Variants in LINGO2 observed in about 807,000 individuals in gnomAD.
The protein encoded by LINGO2 is leucine rich repeat and Ig domain containing 2.
A neutral mutation model predicts 30.6 loss-of-function variants in LINGO2; 14 were observed. The ratio of observed to expected loss-of-function variants is 0.46; its 90% confidence interval spans 0.30 to 0.72. The LOEUF is 0.72. Ranked by LOEUF, LINGO2 falls within the 30% of genes least tolerant of loss-of-function variation. The pLI is 0.07. For missense variants in LINGO2, 729 were observed against 751.7 expected (o/e 0.97, Z 0.35); for synonymous variants, 317 against 288.5 (o/e 1.10, Z -1.00).
intron 1 of LINGO2, among the ~76,000 whole-genome samples, chr9:28,494,396 T>C (rs1819507273): frequency 6.6e-6 from 1 of 152,030 alleles, no homozygotes; most frequent in South Asian, 2.1e-4. Flanking sequence ...GGCCTCAGTA[T>C]GTGATGTTCC....
At chr9:28,185,375 T>A (rs1436056070) in intron 4 of LINGO2, among the ~76,000 whole-genome samples, 1 of 152,074 alleles carries the variant, frequency 6.6e-6, no homozygotes, top group Non-Finnish European at 1.5e-5. Flanking sequence ...TTAGTATTAA[T>A]CAAATATGTT....
chr9:28,442,635 G>C (rs767592415), intron 2 of LINGO2, among the ~76,000 whole-genome samples: 1 of 151,802 alleles, frequency 6.6e-6, no homozygotes, highest in Non-Finnish European at 1.5e-5. Flanking sequence ...TTATTTTCTT[G>C]TTTTTAAACA....
At position 28,185,426 on chromosome 9, in the gene LINGO2, A is replaced by G. The variant is rs144911615; in HGVS notation, c.-87+109782T>C. ...TCTGCATAATCATAACCCATGATTA[A>G]CAGGTAAATGGTAAAAAAAAAACTT... is the stretch of plus-strand genomic sequence containing the variant. On this transcript the variant is annotated intron_variant, in intron 4 of 5. Transcript: ENST00000379992. 9.0e-4 allele frequency among the ~76,000 whole-genome samples: 137 copies of G among 152,270 alleles called. 2 individuals are homozygous for G. The highest frequency in any genetic ancestry group is 3.4e-3 in the Middle Eastern group (1 of 294).
chr9:28,864,569 A>G, the LINGO2 span, among the ~76,000 whole-genome samples: 10 of 152,258 alleles, frequency 6.6e-5, no homozygotes, highest in African/African-American at 2.2e-4. Context: ...CAAGTAATTC[A>G]TGCTTTTGAA....
intron 1 of LINGO2, among the ~76,000 whole-genome samples, chr9:28,481,698 G>A (rs1438015135): frequency 1.3e-5 from 2 of 151,990 alleles, no homozygotes; most frequent in Non-Finnish European, 2.9e-5. Flanking sequence ...ATGTATACAT[G>A]TGCATTGCTG....
At chr9:28,072,889 G>C (rs190462866) in intron 4 of LINGO2, among the ~76,000 whole-genome samples, 1 of 151,974 alleles carries the variant, frequency 6.6e-6, no homozygotes, top group African/African-American at 2.4e-5. Context: ...CTGATAGCAC[G>C]ATATGCCATC....
intron 3 of LINGO2, among the ~76,000 whole-genome samples, chr9:28,322,952 T>C (rs1825101695): frequency 1.3e-5 from 2 of 152,188 alleles, no homozygotes; most frequent in Admixed American, 6.5e-5. Context: ...TTTTAAAAAC[T>C]GACCTCCTTG....
intron 4 of LINGO2, among the ~76,000 whole-genome samples, chr9:28,038,554 G>C (rs865973679): frequency 1.3e-5 from 2 of 152,060 alleles, no homozygotes; most frequent in Admixed American, 6.5e-5. Flanking sequence ...TTAGCCGGGC[G>C]TAGTGGTGGG....
intron 4 of LINGO2, among the ~76,000 whole-genome samples, chr9:28,048,247 C>T (rs577539760): frequency 6.6e-6 from 1 of 150,966 alleles, no homozygotes; most frequent in African/African-American, 2.4e-5. Context: ...AGAAGAAACT[C>T]GGGAAACACA....
chr9:28,042,775 CAT>C lies in LINGO2; in HGVS notation c.-86-30372_-86-30371del, dbSNP rs745510855. Among the ~76,000 whole-genome samples, 518 of 152,254 alleles carry C rather than the reference CAT, an allele frequency of 3.4e-3. 1 individual carries two copies. Among genetic ancestry groups the C allele is most frequent in the African/African-American group, 0.011 (460 of 41,548 alleles). On this transcript the variant is annotated intron_variant, in intron 4 of 5. Transcript: ENST00000379992. ...TATTCTTTATTCTTCCCCTCTCCCC[CAT>C]ATATGTTATCTTTGCCTATTTTCTT...
chr9:28,036,645 G>A (rs897902085), intron 4 of LINGO2, among the ~76,000 whole-genome samples: 1 of 152,194 alleles, frequency 6.6e-6, no homozygotes, highest in Non-Finnish European at 1.5e-5. Flanking sequence ...TTAGCCCAAA[G>A]ATTGGTGCAA....
chr9:28,771,502 T>TGA, the LINGO2 span, among the ~76,000 whole-genome samples: 9 of 60,988 alleles, frequency 1.5e-4, no homozygotes, highest in African/African-American at 4.6e-4. Flanking sequence ...TGTGTGTGTG[T>TGA]GTGTGAGAGA....
chr9:28,857,081 T>C, the LINGO2 span, among the ~76,000 whole-genome samples: 80 of 152,142 alleles, frequency 5.3e-4, no homozygotes, highest in African/African-American at 1.7e-3. Flanking sequence ...TTTAAATATG[T>C]AGATTTTGAG....
At chr9:29,055,206 G>A in the LINGO2 span, among the ~76,000 whole-genome samples, 36 of 90,166 alleles carry the variant, frequency 4.0e-4, no homozygotes, top group East Asian at 7.6e-3. Context: ...GCAACAGAGC[G>A]AGACTCCATC....
chr9:28,205,606 G>A (rs868494135), intron 4 of LINGO2, among the ~76,000 whole-genome samples: 30 of 152,100 alleles, frequency 2.0e-4, no homozygotes, highest in Admixed American at 6.6e-4. Flanking sequence ...AAATATTAGT[G>A]AAAATTCTTC....
chr9:28,639,828 T>G (rs1386652642), intron 1 of LINGO2, among the ~76,000 whole-genome samples: 3 of 152,174 alleles, frequency 2.0e-5, no homozygotes, highest in Non-Finnish European at 4.4e-5. Context: ...ACATTTAAGG[T>G]TAATATGGTT....
At chr9:28,641,601 A>G (rs1463960032) in intron 1 of LINGO2, among the ~76,000 whole-genome samples, 1 of 152,192 alleles carries the variant, frequency 6.6e-6, no homozygotes, top group East Asian at 1.9e-4. Context: ...ACTTTGTAGG[A>G]AAATCTAATC....
chr9:28,145,401 G>T (rs190935697), intron 4 of LINGO2, among the ~76,000 whole-genome samples: 1 of 152,288 alleles, frequency 6.6e-6, no homozygotes, highest in Non-Finnish European at 1.5e-5. Context: ...ACGGGAAGTA[G>T]CCTATAAAAT....
chr9:28,478,948 CT>C (rs1482984706), intron 1 of LINGO2, among the ~76,000 whole-genome samples: 1 of 151,980 alleles, frequency 6.6e-6, no homozygotes, highest in Non-Finnish European at 1.5e-5. Flanking sequence ...TTTCTGATTC[CT>C]TTTACAGTAT....
Sources: allele counts gnomAD v4.1 joint callset (sites outside exome capture counted in the v4.1 genomes callset), GRCh38; gene constraint gnomAD v4.1.1; transcripts MANE v1.5; gene names NCBI Gene and HGNC (gene_info 2026-07-23, HGNC 2026-07-21).